MTUS2: variants seen among roughly 807,000 people sequenced by gnomAD.
MTUS2 encodes the protein microtubule-associated tumor suppressor candidate 2.
In MTUS2, 40 loss-of-function variants were observed where a neutral mutation model predicts 114.1. The ratio of observed to expected loss-of-function variants is 0.35; its 90% CI spans 0.27 to 0.46. The LOEUF (loss-of-function observed/expected upper bound fraction) is 0.46, where lower values mean the gene tolerates loss of function less well. MTUS2 is among the 20% of genes least tolerant of loss of function. The pLI, the probability that MTUS2 is intolerant of heterozygous loss-of-function variation, is 1.00. For missense variants in MTUS2, 1,679 were observed against 1,705.4 expected (o/e 0.98, Z 0.27); for synonymous variants, 688 against 672.0 (o/e 1.02, Z -0.37).
chr13:29,338,974 GC>G (rs894014893), intron 7 of MTUS2, among the ~76,000 whole-genome samples: 3 of 152,084 alleles, frequency 2.0e-5, no homozygotes, highest in African/African-American at 7.2e-5. Flanking sequence ...AGTGGGAAGT[GC>G]CCTGGTGGGG....
intron 2 of MTUS2, among the ~76,000 whole-genome samples, chr13:28,919,253 T>C (rs916240291): frequency 6.6e-5 from 10 of 152,188 alleles, no homozygotes; most frequent in African/African-American, 2.4e-4. Context: ...ATAGGACAAG[T>C]GCAGTGTTGC....
chr13:28,948,858 A>C (rs1031312386), intron 2 of MTUS2, among the ~76,000 whole-genome samples: 1 of 152,168 alleles, frequency 6.6e-6, no homozygotes, highest in African/African-American at 2.4e-5. Flanking sequence ...CTCAGTTCAG[A>C]TCTCAAGTAC....
At chr13:29,364,216 T>C (rs2138255587) in intron 8 of MTUS2, among the ~76,000 whole-genome samples, 1 of 152,230 alleles carries the variant, frequency 6.6e-6, no homozygotes, top group South Asian at 2.1e-4. Context: ...AAAAATACTA[T>C]GTGCTCAAGT....
intron 2 of MTUS2, among the ~76,000 whole-genome samples, chr13:28,938,588 C>T (rs1250809344): frequency 6.6e-6 from 1 of 151,788 alleles, no homozygotes; most frequent in Non-Finnish European, 1.5e-5. Context: ...AATAATTTTG[C>T]CTAATTTTTC....
Position 29,500,628 on chromosome 13 carries a change from G to A in MTUS2, c.3799-469G>A, listed in dbSNP as rs145842689. Among the ~76,000 whole-genome samples the A allele has an allele frequency of 7.9e-4, 120 of 152,204 alleles. 2 individuals carry two copies. The South Asian group carries it at 0.023, about 29-fold the overall frequency. The stretch of plus-strand genomic sequence containing the variant: ...CTCCATTGATTCAGAATGTAATGTC[G>A]TGCACGCAAGGCTGGCCAAGGATGC... On this transcript the variant is annotated intron_variant, in intron 14 of 15. Coordinates refer to ENST00000612955, the MANE Select transcript of MTUS2 (RefSeq NM_001033602.4).
At chr13:29,231,469 A>G (rs531403460) in intron 5 of MTUS2, among the ~76,000 whole-genome samples, 1 of 152,268 alleles carries the variant, frequency 6.6e-6, no homozygotes, top group Admixed American at 6.5e-5. Context: ...TGTCACAAAT[A>G]ATTTATCTTT....
intron 2 of MTUS2, among the ~76,000 whole-genome samples, chr13:28,951,462 TCTC>T (rs1372241876): frequency 3.3e-5 from 5 of 152,244 alleles, no homozygotes; most frequent in East Asian, 1.9e-4. Flanking sequence ...GCAGTTTCCT[TCTC>T]CTCCTAGTTT....
At chr13:29,404,313 C>T (rs555480086) in intron 8 of MTUS2, among the ~76,000 whole-genome samples, 3 of 151,964 alleles carry the variant, frequency 2.0e-5, no homozygotes, top group East Asian at 3.9e-4. Flanking sequence ...GATTGCGCCA[C>T]CGCACTCCAG....
chr13:28,918,135 G>T (rs943173854), intron 2 of MTUS2, among the ~76,000 whole-genome samples: 10 of 151,918 alleles, frequency 6.6e-5, no homozygotes, highest in South Asian at 2.1e-4. Flanking sequence ...TTTAGGAAAA[G>T]AATATGTATT....
chr13:29,182,977 T>A (rs756740102), intron 5 of MTUS2, among the ~76,000 whole-genome samples: 2 of 151,994 alleles, frequency 1.3e-5, no homozygotes. Flanking sequence ...GGAGGAACAA[T>A]CTAGGATCTG....
At chr13:29,394,577 ACT>A (rs1873755707) in intron 8 of MTUS2, among the ~76,000 whole-genome samples, 1 of 152,042 alleles carries the variant, frequency 6.6e-6, no homozygotes. Context: ...AAGGTTCCAG[ACT>A]CTTAGTTAAT....
chr13:28,821,006 A>AT (rs1283941697), intron 1 of MTUS2, among the ~76,000 whole-genome samples: 2,923 of 145,684 alleles, frequency 0.02, 51 homozygotes, highest in African/African-American at 0.048. Context: ...TGCTACATCC[A>AT]TTTTTTTTTT....
intron 2 of MTUS2, among the ~76,000 whole-genome samples, chr13:28,958,816 A>G (rs976662009): frequency 6.6e-6 from 1 of 152,244 alleles, no homozygotes; most frequent in Non-Finnish European, 1.5e-5. Flanking sequence ...CTTGTCAGCA[A>G]GGTTAAATTC....
At chr13:29,079,017 A>T (rs1419086910) in intron 4 of MTUS2, among the ~76,000 whole-genome samples, 1 of 152,204 alleles carries the variant, frequency 6.6e-6, no homozygotes, top group Non-Finnish European at 1.5e-5. Flanking sequence ...AAGTGGCTGC[A>T]CTATTTTACA....
chr13:29,317,587 C>T (rs1278959942), intron 6 of MTUS2, among the ~76,000 whole-genome samples: 549 of 44,114 alleles, frequency 0.012, 190 homozygotes, highest in African/African-American at 0.031. Context: ...TACAGGCGCC[C>T]GCCACCGCGC....
chr13:28,892,000 C>A (rs1027948888), intron 2 of MTUS2, among the ~76,000 whole-genome samples: 5 of 152,062 alleles, frequency 3.3e-5, no homozygotes, highest in Non-Finnish European at 7.4e-5. Context: ...GGGAAGCCCT[C>A]CTTAACCCTC....
At chr13:29,399,691 C>A (rs1025401746) in intron 8 of MTUS2, among the ~76,000 whole-genome samples, 9 of 151,840 alleles carry the variant, frequency 5.9e-5, no homozygotes, top group African/African-American at 2.2e-4. Flanking sequence ...TGAAGTGGGC[C>A]AACGTATGAA....
At chr13:28,834,417 TAATTC>T (rs1402074411) in intron 1 of MTUS2, among the ~76,000 whole-genome samples, 3 of 152,138 alleles carry the variant, frequency 2.0e-5, no homozygotes, top group African/African-American at 4.8e-5. Flanking sequence ...AGTGACAAGA[TAATTC>T]AATTCAAGAA....
intron 5 of MTUS2, among the ~76,000 whole-genome samples, chr13:29,128,774 C>G (rs906915063): frequency 1.3e-5 from 2 of 152,158 alleles, no homozygotes; most frequent in Non-Finnish European, 2.9e-5. Flanking sequence ...AGGTTGCCTT[C>G]AACTGTATTC....
Sources: gnomAD v4.1 joint callset for allele counts (sites outside exome capture counted in the v4.1 genomes callset) on GRCh38, gnomAD v4.1.1 for gene constraint, MANE v1.5 for transcripts, NCBI Gene and HGNC (gene_info 2026-07-23, HGNC 2026-07-21) for gene names.